The following ACVR1 variants were observed in gnomAD, a reference collection of about 807,000 sequenced individuals.
ACVR1 encodes activin receptor type-1.
In ACVR1, 38 loss-of-function variants were observed where a neutral mutation model predicts 57.1. The observed-to-expected ratio is 0.67, with a 90% CI of 0.51 to 0.87. ACVR1 has a LOEUF of 0.87. ACVR1 is among the 40% of genes least tolerant of loss of function. The pLI, the probability that ACVR1 is intolerant of heterozygous loss-of-function variation, is 0.00. For missense variants in ACVR1, 463 were observed against 638.2 expected, an observed-to-expected ratio of 0.73 and a Z score of 2.96; for synonymous variants, 212 against 228.1, an observed-to-expected ratio of 0.93 and a Z score of 0.63.
At chr2:157,831,769 A>G (rs1688586768) in intron 1 of ACVR1, among the ~76,000 whole-genome samples, 1 of 152,090 alleles carries the variant, frequency 6.6e-6, no homozygotes, top group South Asian at 2.1e-4. Context: ...CTTGGCTTCT[A>G]CTCCAATAAT....
At chr2:157,760,023 TA>T in intron 9 of ACVR1, among the ~76,000 whole-genome samples, 1 of 152,186 alleles carries the variant, frequency 6.6e-6, no homozygotes, top group Admixed American at 6.5e-5. Flanking sequence ...GCCTTTTCTC[TA>T]AGAACTGGAA....
chr2:157,864,763 T>C (rs1391738058), intron 1 of ACVR1, among the ~76,000 whole-genome samples: 1 of 152,198 alleles, frequency 6.6e-6, no homozygotes, highest in Non-Finnish European at 1.5e-5. Flanking sequence ...TCCGAAGTCA[T>C]AAATAAAATT....
At chr2:157,741,410 G>C (rs932759594) in intron 9 of ACVR1, among the ~76,000 whole-genome samples, 1 of 151,986 alleles carries the variant, frequency 6.6e-6, no homozygotes, top group Non-Finnish European at 1.5e-5. Context: ...GGCAGATCAT[G>C]AGGTCAAGAG....
At chr2:157,865,821 A>AAGATAGATAGAT (rs57214423) in intron 1 of ACVR1, among the ~76,000 whole-genome samples, 4,060 of 136,966 alleles carry the variant, frequency 0.03, 77 homozygotes, top group South Asian at 0.061. Flanking sequence ...AAAAAGAAAA[A>AAGATAGATAGAT]AGATAGATAG....
intron 5 of ACVR1, among the ~76,000 whole-genome samples, chr2:157,777,653 G>A (rs543969720): frequency 6.6e-6 from 1 of 152,256 alleles, no homozygotes; most frequent in South Asian, 2.1e-4. Context: ...GGCACCACAG[G>A]AGCATACAAA....
chr2:157,811,860 A>G (rs1297038646), intron 2 of ACVR1, among the ~76,000 whole-genome samples: 1 of 152,252 alleles, frequency 6.6e-6, no homozygotes, highest in African/African-American at 2.4e-5. Flanking sequence ...TTCAGTTTTC[A>G]TAACTAGCAG....
intron 1 of ACVR1, among the ~76,000 whole-genome samples, chr2:157,871,395 G>A (rs1690108682): frequency 6.6e-6 from 1 of 152,214 alleles, no homozygotes; most frequent in African/African-American, 2.4e-5. Flanking sequence ...TTGGCCTCAA[G>A]ATGAATGAGA....
chr2:157,739,893 T>TA (rs1335495222), intron 9 of ACVR1, among the ~76,000 whole-genome samples: 1 of 152,178 alleles, frequency 6.6e-6, no homozygotes, highest in Non-Finnish European at 1.5e-5. Context: ...TTATATTTTT[T>TA]AAAAATCTAG....
chr2:157,819,756 A>G (rs568479694), intron 1 of ACVR1, among the ~76,000 whole-genome samples: 78 of 152,264 alleles, frequency 5.1e-4, no homozygotes, highest in African/African-American at 1.8e-3. Flanking sequence ...GAGGCTCTAG[A>G]TAACTAATAA....
In ACVR1 at chr2:157,736,945, A is replaced by G; in HGVS notation, c.*586T>C. ...GTTCGGCATCATTGTAAACATCAGC[A>G]CATGTGTAAAATGCAGCAAAGTCTG... On this transcript the variant is annotated 3_prime_UTR_variant, in exon 11 of 11. Transcript: ENST00000434821. 3.2e-6 allele frequency: 1 copy of G among 312,136 alleles called. No homozygotes were observed. The highest frequency in any genetic ancestry group is 5.9e-6 in the Non-Finnish European group (1 of 168,912). 19.3% of individuals were successfully genotyped at this position (312,136 alleles called of 1,614,324 possible).
chr2:157,874,939 G>A (rs1416775536), intron 1 of ACVR1: 1 of 131,430 alleles, frequency 7.6e-6, no homozygotes, highest in East Asian at 2.5e-4. Flanking sequence ...TAAGTGGAAC[G>A]TTTTCTTCTC....
At chr2:157,861,692 T>A (rs1689723859) in intron 1 of ACVR1, among the ~76,000 whole-genome samples, 1 of 152,174 alleles carries the variant, frequency 6.6e-6, no homozygotes, top group South Asian at 2.1e-4. Context: ...TTTAAACAAA[T>A]CTTTGTGAAA....
At chr2:157,821,646 T>G (rs1321723647) in intron 1 of ACVR1, among the ~76,000 whole-genome samples, 2 of 152,226 alleles carry the variant, frequency 1.3e-5, no homozygotes, top group Non-Finnish European at 2.9e-5. Context: ...TTCCAAAAAT[T>G]TAGCCAACTT....
intron 2 of ACVR1, among the ~76,000 whole-genome samples, chr2:157,813,443 A>G (rs1398369016): frequency 6.6e-6 from 1 of 152,220 alleles, no homozygotes; most frequent in South Asian, 2.1e-4. Context: ...AAGGCGGCCA[A>G]CACAGACTTC....
intron 1 of ACVR1, among the ~76,000 whole-genome samples, chr2:157,825,255 T>C (rs549781258): frequency 6.6e-6 from 1 of 152,312 alleles, no homozygotes; most frequent in South Asian, 2.1e-4. Flanking sequence ...AGACATCCAA[T>C]GGATCCATCA....
At chr2:157,833,924 C>T (rs1377597623) in intron 1 of ACVR1, among the ~76,000 whole-genome samples, 9 of 152,124 alleles carry the variant, frequency 5.9e-5, no homozygotes, top group Admixed American at 3.3e-4. Context: ...CACTGCTGTG[C>T]ACTCAGGCTT....
At chr2:157,754,591 G>A (rs988270968) in intron 9 of ACVR1, among the ~76,000 whole-genome samples, 7 of 151,978 alleles carry the variant, frequency 4.6e-5, no homozygotes, top group African/African-American at 1.7e-4. Context: ...CCAATAACAA[G>A]CAGCAAGCCT....
At chr2:157,846,732 C>CA (rs750643776) in intron 1 of ACVR1, among the ~76,000 whole-genome samples, 1 of 152,000 alleles carries the variant, frequency 6.6e-6, no homozygotes, top group Non-Finnish European at 1.5e-5. Flanking sequence ...AATACAAATG[C>CA]AAAAAATTAT....
intron 2 of ACVR1, among the ~76,000 whole-genome samples, chr2:157,815,809 G>C (rs950647074): frequency 2.6e-5 from 4 of 152,292 alleles, no homozygotes; most frequent in African/African-American, 7.2e-5. Flanking sequence ...CTGACACCTT[G>C]GCAGCAGCCC....
Sources: allele counts gnomAD v4.1 joint callset (sites outside exome capture counted in the v4.1 genomes callset), GRCh38; gene constraint gnomAD v4.1.1; transcripts MANE v1.5; gene names NCBI Gene and HGNC (gene_info 2026-07-23, HGNC 2026-07-21).